The following ANKRD44 variants were observed in gnomAD, a reference collection of about 807,000 sequenced individuals.
ANKRD44 encodes the protein ankyrin repeat domain 44.
ANKRD44 carries 35 observed loss-of-function variants against 116.0 expected under a neutral mutation model. That is an observed-to-expected ratio of 0.30 (90% CI 0.23 to 0.40). The LOEUF (loss-of-function observed/expected upper bound fraction) is 0.40. Among genes scored for constraint, ANKRD44 ranks in the 10% least tolerant of loss-of-function variants. The pLI is 1.00. For synonymous variants in ANKRD44, 435 were observed against 461.8 expected, an observed-to-expected ratio of 0.94 and a Z score of 0.74; for missense variants, 1,014 against 1,242.6, an observed-to-expected ratio of 0.82 and a Z score of 2.77.
intron 8 of ANKRD44, among the ~76,000 whole-genome samples, chr2:197,113,718 T>C (rs983115470): frequency 2.6e-5 from 4 of 152,124 alleles, no homozygotes; most frequent in African/African-American, 4.8e-5. Flanking sequence ...TCTCTGAGAG[T>C]GCTTGTGCAC....
intron 1 of ANKRD44, among the ~76,000 whole-genome samples, chr2:197,255,515 T>C (rs1185118967): frequency 1.3e-5 from 2 of 152,264 alleles, no homozygotes; most frequent in African/African-American, 4.8e-5. Context: ...TCCCTTCTTT[T>C]CTAGCAAGAA....
intron 16 of ANKRD44, among the ~76,000 whole-genome samples, chr2:197,058,054 C>T (rs2077237534): frequency 1.3e-5 from 2 of 152,016 alleles, no homozygotes; most frequent in Admixed American, 1.3e-4. Context: ...CAAGATAGGG[C>T]TGGATCTATT....
At chr2:197,069,991 T>C (rs1486893559) in intron 16 of ANKRD44, among the ~76,000 whole-genome samples, 1 of 152,064 alleles carries the variant, frequency 6.6e-6, no homozygotes, top group Non-Finnish European at 1.5e-5. Flanking sequence ...TTGACAGCAA[T>C]TTTTTGGGGC....
At chr2:197,169,849 T>C (rs2125534872) in intron 2 of ANKRD44, among the ~76,000 whole-genome samples, 1 of 152,152 alleles carries the variant, frequency 6.6e-6, no homozygotes, top group African/African-American at 2.4e-5. Context: ...CGAGGTATAT[T>C]CCACTGGCTC....
At chr2:197,065,118 G>T (rs2077402756) in intron 16 of ANKRD44, among the ~76,000 whole-genome samples, 2 of 152,178 alleles carry the variant, frequency 1.3e-5, no homozygotes, top group Admixed American at 1.3e-4. Flanking sequence ...AGACCATAAT[G>T]CAATCAAACT....
At chr2:197,211,012 T>G (rs1414433784) in intron 1 of ANKRD44, among the ~76,000 whole-genome samples, 1 of 152,140 alleles carries the variant, frequency 6.6e-6, no homozygotes, top group African/African-American at 2.4e-5. Flanking sequence ...TGCACCTGCA[T>G]GCCGAGAAAA....
At chr2:197,256,180 G>A (rs1389538003) in intron 1 of ANKRD44, among the ~76,000 whole-genome samples, 1 of 152,144 alleles carries the variant, frequency 6.6e-6, no homozygotes, top group Non-Finnish European at 1.5e-5. Context: ...TAAGACCTAA[G>A]CAATTAAAAA....
intron 9 of ANKRD44, among the ~76,000 whole-genome samples, chr2:197,102,758 C>T (rs916119771): frequency 2.0e-5 from 3 of 151,912 alleles, no homozygotes; most frequent in Non-Finnish European, 4.4e-5. Flanking sequence ...ATGTGAATGG[C>T]TTAAATGTCC....
intron 1 of ANKRD44, among the ~76,000 whole-genome samples, chr2:197,194,358 G>A (rs938895313): frequency 6.6e-6 from 1 of 152,162 alleles, no homozygotes; most frequent in African/African-American, 2.4e-5. Context: ...ATTCATGCCA[G>A]CTTAATGGGA....
intron 17 of ANKRD44, among the ~76,000 whole-genome samples, chr2:197,019,106 T>C (rs1356252918): frequency 1.3e-5 from 2 of 152,180 alleles, no homozygotes; most frequent in Admixed American, 1.3e-4. Context: ...GTGACAGAAT[T>C]GAATAACAAA....
intron 1 of ANKRD44, among the ~76,000 whole-genome samples, chr2:197,226,812 C>T (rs1407903904): frequency 6.6e-6 from 1 of 152,130 alleles, no homozygotes; most frequent in African/African-American, 2.4e-5. Flanking sequence ...AGGCATGTTG[C>T]CAGGATTAGA....
Position 197,046,803 on chromosome 2 carries a change from G to A in ANKRD44, c.1651-21536C>T, listed in dbSNP as rs1002150190. On this transcript the variant is annotated intron_variant, in intron 16 of 27. Coordinates refer to ENST00000282272, the MANE Select transcript of ANKRD44 (RefSeq NM_001195144.2). ...ATCTTTACTGTACTCATCCTTAATA[G>A]GTAAAGTAAAATATGAGTTGAGCCA... 5.3e-5 allele frequency among the ~76,000 whole-genome samples: 8 copies of A among 152,104 alleles called. No individual in the cohort carries two copies. In the East Asian group the frequency reaches 1.2e-3, roughly 22 times the overall value.
intron 2 of ANKRD44, among the ~76,000 whole-genome samples, chr2:197,182,763 T>C (rs780459262): frequency 6.6e-6 from 1 of 152,236 alleles, no homozygotes; most frequent in Non-Finnish European, 1.5e-5. Context: ...ACGAATGTTG[T>C]ATTTTCATCC....
chr2:197,019,792 T>C (rs1261099279), intron 17 of ANKRD44, among the ~76,000 whole-genome samples: 3 of 151,988 alleles, frequency 2.0e-5, no homozygotes, highest in East Asian at 1.9e-4. Context: ...CGATTTCTTT[T>C]TTTTTCTTTC....
intron 21 of ANKRD44, among the ~76,000 whole-genome samples, chr2:196,968,320 C>T (rs1057456195): frequency 6.6e-6 from 1 of 152,178 alleles, no homozygotes; most frequent in African/African-American, 2.4e-5. Context: ...CCACAAAGGG[C>T]CATTGGCAGG....
chr2:196,970,068 T>G (rs2075704827), intron 21 of ANKRD44, among the ~76,000 whole-genome samples: 1 of 152,244 alleles, frequency 6.6e-6, no homozygotes, highest in Non-Finnish European at 1.5e-5. Context: ...ACTCTACATT[T>G]ACTACATTTT....
At chr2:197,071,760 T>A (rs909086501) in intron 16 of ANKRD44, among the ~76,000 whole-genome samples, 5 of 152,236 alleles carry the variant, frequency 3.3e-5, no homozygotes, top group Admixed American at 6.5e-5. Context: ...TTCAGTCTCA[T>A]TGTTCTACCA....
intron 1 of ANKRD44, among the ~76,000 whole-genome samples, chr2:197,221,283 A>AT (rs201853472): frequency 0.023 from 3,386 of 149,124 alleles, 139 homozygotes; most frequent in African/African-American, 0.077. Context: ...AGATAAGGTA[A>AT]TTTTTTTTTT....
intron 16 of ANKRD44, among the ~76,000 whole-genome samples, chr2:197,066,821 G>C (rs1442441740): frequency 2.0e-5 from 3 of 152,136 alleles, no homozygotes; most frequent in Non-Finnish European, 2.9e-5. Context: ...ATGCTCATGG[G>C]TAGGAAGAAT....
Sources: allele counts gnomAD v4.1 joint callset (sites outside exome capture counted in the v4.1 genomes callset), GRCh38; gene constraint gnomAD v4.1.1; transcripts MANE v1.5; gene names NCBI Gene and HGNC (gene_info 2026-07-23, HGNC 2026-07-21).